The following RBFOX2 variants were observed in gnomAD, a reference collection of about 807,000 sequenced individuals.
RBFOX2 encodes RNA binding protein fox-1 homolog 2.
A neutral mutation model predicts 49.1 loss-of-function variants in RBFOX2; 10 were observed. The observed-to-expected ratio is 0.20, with a 90% confidence interval of 0.13 to 0.35. The LOEUF is 0.35. Ranked by LOEUF, RBFOX2 falls within the 10% of genes least tolerant of loss-of-function variation. The probability of loss-of-function intolerance (pLI) is 1.00; values close to 1 mark genes in which losing one functional copy is unlikely to be tolerated. For missense variants in RBFOX2, 323 were observed against 486.9 expected (o/e 0.66, Z 3.17); for synonymous variants, 183 against 187.4 (o/e 0.98, Z 0.19).
intron 1 of RBFOX2, among the ~76,000 whole-genome samples, chr22:35,869,470 A>C (rs986501736): frequency 1.1e-3 from 40 of 37,606 alleles, no homozygotes; most frequent in African/African-American, 6.3e-3. Flanking sequence ...ACGGCTGACC[A>C]AAAAAAAAAA....
Position 35,897,691 on chromosome 22 carries a change from T to G in RBFOX2, c.-34+41156A>C, listed in dbSNP as rs1390681423. On this transcript the variant is annotated intron_variant, in intron 1 of 13. Transcript: ENST00000359369. The stretch of plus-strand genomic sequence containing the variant: ...GGATACATCTACGACGTATACTGGT[T>G]GTTTAACTGCCTTCCAGCCCAAGGA... 3.6e-6 allele frequency: 4 copies of G among 1,098,338 alleles called. No homozygotes were observed. In the African/African-American group the frequency reaches 6.2e-5, roughly 17 times the overall value. 68.0% of individuals were successfully genotyped at this position (1,098,338 alleles called of 1,614,324 possible).
intron 1 of RBFOX2, among the ~76,000 whole-genome samples, chr22:35,858,340 A>G (rs2042731400): frequency 6.6e-6 from 1 of 152,152 alleles, no homozygotes; most frequent in African/African-American, 2.4e-5. Flanking sequence ...AAATGCCCAA[A>G]TCTTAAAAAT....
intron 1 of RBFOX2, among the ~76,000 whole-genome samples, chr22:35,813,704 C>T (rs1282100674): frequency 2.6e-5 from 4 of 152,030 alleles, no homozygotes; most frequent in Non-Finnish European, 5.9e-5. Flanking sequence ...GGAGACAGTC[C>T]TGTACAATGT....
chr22:35,783,549 G>A (rs1278582059), intron 2 of RBFOX2, among the ~76,000 whole-genome samples: 2 of 152,014 alleles, frequency 1.3e-5, no homozygotes, highest in Non-Finnish European at 2.9e-5. Flanking sequence ...AGTTTGGGGG[G>A]GCACAGCGTG....
intron 1 of RBFOX2, among the ~76,000 whole-genome samples, chr22:35,828,866 ACAGCGAAACCC>A (rs1229616780): frequency 6.6e-6 from 1 of 152,142 alleles, no homozygotes; most frequent in Non-Finnish European, 1.5e-5. Flanking sequence ...CCTGGCTAAC[ACAGCGAAACCC>A]CATCTCTACT....
intron 1 of RBFOX2, among the ~76,000 whole-genome samples, chr22:35,833,321 C>A (rs1336720830): frequency 6.6e-6 from 1 of 152,138 alleles, no homozygotes; most frequent in Non-Finnish European, 1.5e-5. Flanking sequence ...AGACATGAAA[C>A]CACTCAATGC....
At chr22:35,849,612 T>C (rs1270494198) in intron 1 of RBFOX2, among the ~76,000 whole-genome samples, 2 of 152,080 alleles carry the variant, frequency 1.3e-5, no homozygotes, top group East Asian at 1.9e-4. Flanking sequence ...ATATACACCA[T>C]ACATAGCAAA....
intron 1 of RBFOX2, among the ~76,000 whole-genome samples, chr22:35,951,107 C>G (rs1449407888): frequency 6.6e-6 from 1 of 151,658 alleles, no homozygotes; most frequent in Non-Finnish European, 1.5e-5. Flanking sequence ...GCGCGTGCCA[C>G]CACGCCCAGC....
At chr22:35,763,415 A>G (rs1939682201) in intron 6 of RBFOX2, among the ~76,000 whole-genome samples, 1 of 152,174 alleles carries the variant, frequency 6.6e-6, no homozygotes, top group Admixed American at 6.5e-5. Flanking sequence ...TACAAAAATT[A>G]GCCGGATGTG....
chr22:35,743,927 ATTATT>A (rs1931156358), exon 12 of RBFOX2: 1 of 371,076 alleles, frequency 2.7e-6, no homozygotes, highest in Admixed American at 4.7e-5. Flanking sequence ...ATGGAAATGC[ATTATT>A]TTTTTTTTTT....
upstream of RBFOX2, among the ~76,000 whole-genome samples, chr22:35,964,654 T>C (rs1368303277): frequency 6.6e-6 from 1 of 152,218 alleles, no homozygotes; most frequent in Non-Finnish European, 1.5e-5. Flanking sequence ...ATACATTAGA[T>C]TTATGATTTC....
chr22:36,027,747 G>A (rs755804835), intron 1 of RBFOX2, among the ~76,000 whole-genome samples: 30 of 151,964 alleles, frequency 2.0e-4, no homozygotes, highest in Non-Finnish European at 1.5e-4. Flanking sequence ...CATCCCCTCG[G>A]GGCTCTCTCG....
intron 1 of RBFOX2, among the ~76,000 whole-genome samples, chr22:35,908,843 T>C (rs929055161): frequency 3.3e-5 from 5 of 150,610 alleles, no homozygotes; most frequent in Non-Finnish European, 7.4e-5. Context: ...ATTTCTCATC[T>C]ATTTTTTTTT....
intron 1 of RBFOX2, among the ~76,000 whole-genome samples, chr22:35,957,281 T>C (rs2055676535): frequency 6.6e-6 from 1 of 152,016 alleles, no homozygotes; most frequent in African/African-American, 2.4e-5. Flanking sequence ...CTTAATGGGG[T>C]GGCCCTGTTA....
intron 1 of RBFOX2, among the ~76,000 whole-genome samples, chr22:36,017,472 G>A (rs940630330): frequency 6.6e-6 from 1 of 152,180 alleles, no homozygotes; most frequent in African/African-American, 2.4e-5. Flanking sequence ...AGGTTGCAGT[G>A]AGCCGAGATC....
chr22:35,793,832 G>A (rs953422656), intron 2 of RBFOX2, among the ~76,000 whole-genome samples: 12 of 152,044 alleles, frequency 7.9e-5, no homozygotes, highest in African/African-American at 1.9e-4. Flanking sequence ...TTTAATAAAC[G>A]AGTAATTCCA....
intron 1 of RBFOX2, among the ~76,000 whole-genome samples, chr22:36,021,357 C>T (rs775281490): frequency 9.2e-5 from 14 of 151,614 alleles, no homozygotes; most frequent in Non-Finnish European, 1.8e-4. Context: ...ATAACAAACC[C>T]GCACGTTGTG....
chr22:35,934,017 AAAAT>A (rs1315809548), intron 1 of RBFOX2, among the ~76,000 whole-genome samples: 1 of 149,864 alleles, frequency 6.7e-6, no homozygotes, highest in Non-Finnish European at 1.5e-5. Flanking sequence ...TGCTTTGTGA[AAAAT>A]AAGTCAAGAC....
chr22:35,768,157 G>A (rs1425644120), intron 5 of RBFOX2, 100 bp downstream of exon 6: 9 of 1,264,950 alleles, frequency 7.1e-6, no homozygotes, highest in South Asian at 2.6e-5. Context: ...ATGTGCACAC[G>A]CACACATAAG....
Sources: gnomAD v4.1 joint callset for allele counts (sites outside exome capture counted in the v4.1 genomes callset) on GRCh38, gnomAD v4.1.1 for gene constraint, MANE v1.5 for transcripts, NCBI Gene and HGNC (gene_info 2026-07-23, HGNC 2026-07-21) for gene names.